The following DIAPH2 variants were observed in gnomAD, a reference collection of about 807,000 sequenced individuals.
DIAPH2 encodes the protein diaphanous related formin 2, also known as protein diaphanous homolog 2.
Under a neutral mutation model 92.7 loss-of-function variants are expected in DIAPH2, and 35 were observed. The observed-to-expected ratio is 0.38, with a 90% CI of 0.29 to 0.50. The LOEUF (loss-of-function observed/expected upper bound fraction) is 0.50. Ranked by LOEUF, DIAPH2 falls within the 20% of genes least tolerant of loss-of-function variation. The probability of loss-of-function intolerance (pLI) is 0.94; values close to 1 mark genes in which losing one functional copy is unlikely to be tolerated. For synonymous variants in DIAPH2, 301 were observed against 280.4 expected, an observed-to-expected ratio of 1.07 and a Z score of -0.73; for missense variants, 701 against 819.5, an observed-to-expected ratio of 0.86 and a Z score of 1.77.
At chrX:96,910,299 C>T (rs1001014014) in intron 5 of DIAPH2, among the ~76,000 whole-genome samples, 3 of 111,500 alleles carry the variant, frequency 2.7e-5, no homozygotes, top group African/African-American at 9.8e-5. Flanking sequence ...TGCCAATTAT[C>T]ATTACAGTGC....
intron 17 of DIAPH2, among the ~76,000 whole-genome samples, chrX:96,996,157 C>T (rs1363368791): frequency 8.9e-6 from 1 of 111,981 alleles, no homozygotes; most frequent in Non-Finnish European, 1.9e-5. Flanking sequence ...CAGTAAGTTT[C>T]ATCCTCAGAT....
At chrX:96,875,214 C>T (rs780860642) in intron 4 of DIAPH2, among the ~76,000 whole-genome samples, 2 of 111,915 alleles carry the variant, frequency 1.8e-5, no homozygotes, top group African/African-American at 6.5e-5. Flanking sequence ...TGGAGAAAAT[C>T]AGAACTCTGA....
chrX:97,478,944 T>G (rs993483639), intron 26 of DIAPH2, among the ~76,000 whole-genome samples: 6 of 111,290 alleles, frequency 5.4e-5, no homozygotes, highest in East Asian at 5.6e-4. Context: ...TAGTTTTTTG[T>G]TTTTTTTGTT....
At chrX:97,150,900 G>A (rs1007362987) in intron 22 of DIAPH2, among the ~76,000 whole-genome samples, 6 of 111,877 alleles carry the variant, frequency 5.4e-5, no homozygotes. Context: ...AAACATTAAC[G>A]TAATCCTTGT....
At chrX:97,457,406 A>G (rs914471497) in intron 26 of DIAPH2, among the ~76,000 whole-genome samples, 2 of 112,859 alleles carry the variant, frequency 1.8e-5, no homozygotes, top group African/African-American at 6.4e-5. Context: ...TAACAATGGA[A>G]TCCCCCTTGT....
At chrX:97,294,535 G>A (rs953078375) in intron 23 of DIAPH2, among the ~76,000 whole-genome samples, 1 of 111,294 alleles carries the variant, frequency 9.0e-6, no homozygotes, top group Non-Finnish European at 1.9e-5. Flanking sequence ...GTGCATATTA[G>A]TTACAGGAGG....
chrX:96,802,663 G>T (rs1205682971), intron 4 of DIAPH2, among the ~76,000 whole-genome samples: 2 of 111,502 alleles, frequency 1.8e-5, no homozygotes, highest in East Asian at 5.6e-4. Context: ...CAAGGTGGTT[G>T]TATTAGTCAG....
At chrX:97,093,360 A>T (rs2066841452) in intron 19 of DIAPH2, among the ~76,000 whole-genome samples, 1 of 111,275 alleles carries the variant, frequency 9.0e-6, no homozygotes, top group Non-Finnish European at 1.9e-5. Flanking sequence ...CTGCCCAAGG[A>T]TTTAATTTGC....
intron 4 of DIAPH2, among the ~76,000 whole-genome samples, chrX:96,861,882 C>G (rs756645564): frequency 2.9e-4 from 33 of 112,096 alleles, no homozygotes; most frequent in African/African-American, 8.7e-4. Context: ...GACTCTGTTT[C>G]ATTCTCTCTC....
At chrX:97,239,279 G>A (rs1027524307) in intron 22 of DIAPH2, among the ~76,000 whole-genome samples, 3 of 111,535 alleles carry the variant, frequency 2.7e-5, no homozygotes, top group African/African-American at 9.8e-5. Context: ...TTAGGATTAT[G>A]TATTAGAGAA....
At chrX:97,254,653 A>G (rs1456850351) in intron 23 of DIAPH2, among the ~76,000 whole-genome samples, 4 of 110,635 alleles carry the variant, frequency 3.6e-5, no homozygotes, top group Non-Finnish European at 7.6e-5. Context: ...TGACCGCCAA[A>G]GCAATACTAT....
chrX:97,004,455 A>AT (rs1398865911), intron 17 of DIAPH2, among the ~76,000 whole-genome samples: 1 of 111,198 alleles, frequency 9.0e-6, no homozygotes. Flanking sequence ...TATATTTTAA[A>AT]TTTTTTTTGG....
intron 26 of DIAPH2, among the ~76,000 whole-genome samples, chrX:97,438,347 TTTTGTTTG>T (rs757393333): frequency 6.1e-5 from 5 of 81,542 alleles, no homozygotes; most frequent in East Asian, 3.9e-4. Context: ...TGTTTTTTTT[TTTTGTTTG>T]TTTGTTTTTT....
Position 96,902,161 on chromosome X carries a change from T to C in DIAPH2, c.588-10167T>C, listed in dbSNP as rs746411246. ...TTCTGAGAAGATGCTTGATCTGATT[T>C]TGAGTTTCTTAAATTTATTGAAACT... On this transcript the variant is annotated intron_variant, in intron 5 of 26. Transcript: ENST00000324765. Among the ~76,000 whole-genome samples, 4 of 112,209 alleles carry C rather than the reference T, an allele frequency of 3.6e-5. No homozygotes were observed. In the South Asian group the frequency reaches 1.1e-3, roughly 31 times the overall value.
At chrX:96,952,197 C>G (rs2065779846) in intron 15 of DIAPH2, among the ~76,000 whole-genome samples, 1 of 111,332 alleles carries the variant, frequency 9.0e-6, no homozygotes, top group African/African-American at 3.3e-5. Flanking sequence ...GTCTTTCTTT[C>G]TAACCTCAGA....
chrX:97,039,381 GTAT>G (rs925795316), intron 17 of DIAPH2, among the ~76,000 whole-genome samples: 2 of 111,254 alleles, frequency 1.8e-5, no homozygotes, highest in Admixed American at 1.9e-4. Flanking sequence ...TTGTTTTAAA[GTAT>G]TTTAAGATAA....
intron 22 of DIAPH2, among the ~76,000 whole-genome samples, chrX:97,224,272 A>G (rs1357079860): frequency 1.8e-5 from 2 of 111,715 alleles, no homozygotes; most frequent in African/African-American, 6.5e-5. Flanking sequence ...GATTGAGATC[A>G]TTAGATATCC....
At chrX:97,362,466 A>G (rs2069335109) in intron 24 of DIAPH2, among the ~76,000 whole-genome samples, 1 of 112,490 alleles carries the variant, frequency 8.9e-6, no homozygotes, top group Non-Finnish European at 1.9e-5. Flanking sequence ...AATAGAAAAC[A>G]TTACCCATTT....
At chrX:97,061,165 A>G (rs2066594879) in intron 17 of DIAPH2, among the ~76,000 whole-genome samples, 1 of 112,102 alleles carries the variant, frequency 8.9e-6, no homozygotes, top group African/African-American at 3.2e-5. Flanking sequence ...TCAACATGCT[A>G]CTTGCTAACT....
Sources: gnomAD v4.1 joint callset for allele counts (sites outside exome capture counted in the v4.1 genomes callset) on GRCh38, gnomAD v4.1.1 for gene constraint, MANE v1.5 for transcripts, NCBI Gene and HGNC (gene_info 2026-07-23, HGNC 2026-07-21) for gene names.